DYNC1I1: variants seen among roughly 807,000 people sequenced by gnomAD.
DYNC1I1 encodes the protein dynein cytoplasmic 1 intermediate chain 1, also known as cytoplasmic dynein 1 intermediate chain 1.
Under a neutral mutation model 86.6 loss-of-function variants are expected in DYNC1I1, and 43 were observed. The ratio of observed to expected loss-of-function variants is 0.50; its 90% CI spans 0.39 to 0.64. The LOEUF (loss-of-function observed/expected upper bound fraction) is 0.64, where lower values mean the gene tolerates loss of function less well. Among genes scored for constraint, DYNC1I1 ranks in the 30% least tolerant of loss-of-function variants. The pLI is 0.00. For missense variants in DYNC1I1, 604 were observed against 788.8 expected, an observed-to-expected ratio of 0.77 and a Z score of 2.81; for synonymous variants, 262 against 283.7, an observed-to-expected ratio of 0.92 and a Z score of 0.77.
chr7:95,883,839 C>T (rs571819135), intron 6 of DYNC1I1, among the ~76,000 whole-genome samples: 2 of 152,120 alleles, frequency 1.3e-5, no homozygotes, highest in Non-Finnish European at 2.9e-5. Flanking sequence ...TTTAATGGTT[C>T]TCCCCTAAGG....
intron 5 of DYNC1I1, among the ~76,000 whole-genome samples, chr7:95,853,423 G>C (rs959759721): frequency 6.6e-6 from 1 of 152,098 alleles, no homozygotes; most frequent in African/African-American, 2.4e-5. Flanking sequence ...TGCCATATTT[G>C]GTCCCTTGAT....
intron 10 of DYNC1I1, among the ~76,000 whole-genome samples, chr7:96,005,460 T>C (rs1280731243): frequency 2.0e-5 from 3 of 152,182 alleles, no homozygotes; most frequent in Non-Finnish European, 4.4e-5. Context: ...TGAACAGCGA[T>C]GTTGCATATT....
intron 6 of DYNC1I1, among the ~76,000 whole-genome samples, chr7:95,936,956 TCACACACACACACA>T (rs57989893): frequency 7.5e-6 from 1 of 134,190 alleles, no homozygotes; most frequent in Non-Finnish European, 1.6e-5. Flanking sequence ...AGAATATGTC[TCACACACACACACA>T]CACACACACA....
chr7:96,068,107 A>G (rs1028546372), intron 14 of DYNC1I1, among the ~76,000 whole-genome samples: 3 of 152,160 alleles, frequency 2.0e-5, no homozygotes, highest in African/African-American at 7.2e-5. Context: ...CAAATTGTCC[A>G]GGACCCATAA....
chr7:96,070,969 C>T (rs1214898066), intron 14 of DYNC1I1, among the ~76,000 whole-genome samples: 1 of 152,190 alleles, frequency 6.6e-6, no homozygotes, highest in Non-Finnish European at 1.5e-5. Context: ...AAAACTAAAG[C>T]TCAATTCTAG....
intron 2 of DYNC1I1, among the ~76,000 whole-genome samples, chr7:95,809,076 A>C (rs2690299): frequency 0.018 from 2,810 of 152,270 alleles, 90 homozygotes; most frequent in African/African-American, 0.064. Context: ...GTCTGACTCT[A>C]AGACTCTTAT....
intron 6 of DYNC1I1, 56 bp downstream of exon 6, chr7:95,870,054 G>A: frequency 6.9e-7 from 1 of 1,448,472 alleles, no homozygotes; most frequent in Non-Finnish European, 9.5e-7. Flanking sequence ...TCGCTGGGAA[G>A]TAACATCTTT....
At chr7:95,976,866 C>G (rs11766745) in intron 6 of DYNC1I1, among the ~76,000 whole-genome samples, 7,174 of 152,182 alleles carry the variant, frequency 0.047, 257 homozygotes, top group South Asian at 0.14. Context: ...GCAGGAAGGG[C>G]ACTGTAACAT....
chr7:96,043,726 T>C (rs764537443), intron 14 of DYNC1I1, among the ~76,000 whole-genome samples: 2 of 152,100 alleles, frequency 1.3e-5, no homozygotes, highest in Non-Finnish European at 2.9e-5. Context: ...ATTTTTTTTT[T>C]TTGAAATGTA....
intron 9 of DYNC1I1, among the ~76,000 whole-genome samples, chr7:95,987,357 A>C (rs377402660): frequency 1.8e-4 from 27 of 152,194 alleles, no homozygotes; most frequent in African/African-American, 6.0e-4. Context: ...CTAGGTACCA[A>C]ACAAGAAGCC....
chr7:96,017,323 A>T (rs1794428052), intron 10 of DYNC1I1, among the ~76,000 whole-genome samples: 1 of 152,174 alleles, frequency 6.6e-6, no homozygotes, highest in Non-Finnish European at 1.5e-5. Context: ...CTATAAATAA[A>T]ACAAAGTTTG....
chr7:95,796,937 G>A (rs1794452541), intron 1 of DYNC1I1, among the ~76,000 whole-genome samples: 1 of 152,088 alleles, frequency 6.6e-6, no homozygotes, highest in Admixed American at 6.5e-5. Context: ...GGGTAAAACT[G>A]CTGGTATTCT....
intron 6 of DYNC1I1, among the ~76,000 whole-genome samples, chr7:95,883,423 ATTC>A (rs1370671810): frequency 6.6e-6 from 1 of 152,182 alleles, no homozygotes; most frequent in African/African-American, 2.4e-5. Context: ...TTAGTATGCC[ATTC>A]TTCTTGACTG....
At chr7:96,016,420 T>C (rs1352288140) in intron 10 of DYNC1I1, among the ~76,000 whole-genome samples, 1 of 152,078 alleles carries the variant, frequency 6.6e-6, no homozygotes, top group East Asian at 1.9e-4. Context: ...AGATTTATTT[T>C]ACCAGCAAGG....
At chr7:95,866,426 T>C (rs1341997613) in intron 5 of DYNC1I1, among the ~76,000 whole-genome samples, 1 of 152,154 alleles carries the variant, frequency 6.6e-6, no homozygotes. Context: ...TAAGTATAGT[T>C]TCAAAGTTTT....
intron 9 of DYNC1I1, 115 bp from the exon 10 acceptor site, chr7:95,995,833 C>T: frequency 7.1e-7 from 1 of 1,413,016 alleles, no homozygotes; most frequent in Non-Finnish European, 9.5e-7. Context: ...TATGCCACAA[C>T]ATAACAGAAA....
intron 6 of DYNC1I1, among the ~76,000 whole-genome samples, chr7:95,972,266 G>A (rs1054291404): frequency 1.3e-5 from 2 of 152,154 alleles, no homozygotes; most frequent in African/African-American, 4.8e-5. Flanking sequence ...GTTTGAAAAA[G>A]CGTGGGGACC....
At chr7:96,102,213 T>C (rs779672741), downstream of DYNC1I1, among the ~76,000 whole-genome samples, 18 of 152,290 alleles carry the variant, frequency 1.2e-4, no homozygotes, top group Non-Finnish European at 2.2e-4. Flanking sequence ...AATTTTGCCT[T>C]GGGGCTATGC....
intron 10 of DYNC1I1, among the ~76,000 whole-genome samples, chr7:96,018,031 G>A (rs190330146): frequency 6.6e-6 from 1 of 152,238 alleles, no homozygotes; most frequent in Non-Finnish European, 1.5e-5. Flanking sequence ...GTTATCACCT[G>A]TCGCAACTGA....
Sources: gnomAD v4.1 joint callset for allele counts (sites outside exome capture counted in the v4.1 genomes callset) on GRCh38, gnomAD v4.1.1 for gene constraint, MANE v1.5 for transcripts, NCBI Gene and HGNC (gene_info 2026-07-23, HGNC 2026-07-21) for gene names.